RIPOR1: variants seen among roughly 807,000 people sequenced by gnomAD.
RIPOR1 encodes the protein RHO family interacting cell polarization regulator 1.
RIPOR1 carries 58 observed loss-of-function variants against 116.5 expected under a neutral mutation model. The ratio of observed to expected loss-of-function variants is 0.50; its 90% CI spans 0.40 to 0.62. The LOEUF is 0.62. RIPOR1 is among the 20% of genes least tolerant of loss of function. The probability of loss-of-function intolerance (pLI) is 0.00; values close to 1 mark genes in which losing one functional copy is unlikely to be tolerated. For synonymous variants in RIPOR1, 605 were observed against 650.0 expected, an observed-to-expected ratio of 0.93 and a Z score of 1.05; for missense variants, 1,372 against 1,586.2, an observed-to-expected ratio of 0.86 and a Z score of 2.29.
At chr16:67,532,101 G>A (rs1015581447) in intron 1 of RIPOR1, among the ~76,000 whole-genome samples, 11 of 151,004 alleles carry the variant, frequency 7.3e-5, no homozygotes, top group Non-Finnish European at 1.2e-4. Context: ...GGGTTTCACC[G>A]TGTTAGCCAG....
At position 67,543,101 on chromosome 16, in the gene RIPOR1, T is replaced by C. The variant is rs541606600; in HGVS notation, c.2315T>C (p.Met772Thr). The C allele has an allele frequency of 2.2e-5, 33 of 1,523,168 alleles. No individual in the cohort carries two copies. The highest frequency in any genetic ancestry group is 2.8e-5 in the Non-Finnish European group (32 of 1,137,780). The allele number at this position is 1,523,168 out of a possible 1,614,324, so 94.4% of individuals were successfully genotyped here. The change falls in exon 13 of 22, where the codon ATG becomes ACG. Residue 772 changes from methionine to threonine, a missense_variant. This residue lies in a region of RIPOR1 where 1,005 missense variants were observed against 1,144.7 expected (regional missense o/e 0.88). Transcript: ENST00000042381. The surrounding 1 kb of genome is among the most constrained non-coding windows in gnomAD (Gnocchi z 4.7). ...APQHSDLCLA[M>T]AVQTPVPTAA... Reference sequence around the variant, plus strand: ...CAGCATTCAGACCTTTGCCTGGCCATGGCTGTCCAGACCCCAGTCCCAACG... The same window carrying C: ...CAGCATTCAGACCTTTGCCTGGCCACGGCTGTCCAGACCCCAGTCCCAACG...
Position 67,530,819 on chromosome 16 carries a change from A to C in RIPOR1, c.-24+1905A>C, listed in dbSNP as rs1204899038. ...ATTTCCCATCCTGGGAACAGACTAT[A>C]GGGCTGACATGAGCCCAGAGAGTCC... On this transcript the variant is annotated intron_variant, in intron 1 of 21. Coordinates refer to ENST00000042381, the MANE Select transcript of RIPOR1 (RefSeq NM_024519.4). This position sits in a 1 kb window ranked among gnomAD's most constrained non-coding sequence, Gnocchi z 4.5. 6.6e-6 allele frequency among the ~76,000 whole-genome samples: 1 copy of C among 152,148 alleles called. No homozygotes were observed. The highest frequency in any genetic ancestry group is 2.4e-5 in the African/African-American group (1 of 41,426).
At chr16:67,523,867 T>A (rs972228411), upstream of RIPOR1, among the ~76,000 whole-genome samples, 6 of 151,950 alleles carry the variant, frequency 3.9e-5, no homozygotes, top group African/African-American at 1.5e-4. Flanking sequence ...TAGTAGAGAC[T>A]GGGTTTTACT....
At position 67,539,877 on chromosome 16, in the gene RIPOR1, G is replaced by T. The variant is rs373261651; in HGVS notation, c.392G>T (p.Arg131Leu). ...AAGTCCATTGAACGCTTCCTGCGAC[G>T]ACTGGAGTTCCATGCCAGCAAGGTA... Reference protein sequence around the residue: ...QVKSIERFLRRLEFHASKIDE... With the variant: ...QVKSIERFLRLLEFHASKIDE... Residue 131 changes from arginine to leucine, a missense_variant, in exon 6 of 22, where the codon CGA (arginine) becomes CTA (leucine). Physicochemically the swap from Arg to Leu is moderately radical, Grantham distance 102 (BLOSUM62 -2). Coordinates refer to ENST00000042381, the MANE Select transcript of RIPOR1 (RefSeq NM_024519.4). 1 of 1,614,172 alleles carries T rather than the reference G, an allele frequency of 6.2e-7. No individual in the cohort carries two copies. Among genetic ancestry groups the T allele is most frequent in the South Asian group, 1.1e-5 (1 of 91,072 alleles).
In RIPOR1 at chr16:67,538,803, C is replaced by A; in HGVS notation, c.236C>A (p.Thr79Lys). 2 of 1,613,196 alleles carry A rather than the reference C, an allele frequency of 1.2e-6. No homozygotes were observed. The highest frequency in any genetic ancestry group is 2.2e-5 in the South Asian group (2 of 91,058). Reference sequence around the variant, plus strand: ...CCCGAGCGGCTGGACCTGGTGTACACGGCGCTGAAGCGGGGCCTGACGTGA... The same window carrying A: ...CCCGAGCGGCTGGACCTGGTGTACAAGGCGCTGAAGCGGGGCCTGACGTGA... ...PQPERLDLVY[T>K]ALKRGLTAYL... is the part of the protein sequence containing the mutation. The change falls in exon 3 of 22, where the codon ACG (threonine) becomes AAG (lysine). Residue 79 changes from threonine (T) to lysine (K), a missense_variant. Thr to Lys is a moderately conservative substitution (Grantham distance 78). Coordinates refer to ENST00000042381, the MANE Select transcript of RIPOR1 (RefSeq NM_024519.4).
Position 67,545,599 on chromosome 16 carries a change from C to T in RIPOR1, c.3190+65C>T. 2 of 1,589,942 alleles carry T rather than the reference C, an allele frequency of 1.3e-6. No homozygotes were observed. Among genetic ancestry groups the T allele is most frequent in the South Asian group, 1.1e-5 (1 of 88,628 alleles). ...TCTGAGGACATGAGGACAAGCCCTC[C>T]CCAACCTCGGGGGCTCCTCACCCTG... On this transcript the variant is annotated intron_variant, in intron 18 of 21. Coordinates refer to ENST00000042381, the MANE Select transcript of RIPOR1 (RefSeq NM_024519.4). The surrounding 1 kb of genome is among the most constrained non-coding windows in gnomAD (Gnocchi z 4.8).
Position 67,538,783 on chromosome 16 carries a change from GCGGCTGGACCTGGTGTACA to G in RIPOR1, c.221_239del (p.Leu74ArgfsTer2). 6.2e-7 allele frequency: 1 copy of G among 1,613,492 alleles called. No individual in the cohort carries two copies. On this transcript the variant is annotated frameshift_variant, in exon 3 of 22. Coordinates refer to ENST00000042381, the MANE Select transcript of RIPOR1 (RefSeq NM_024519.4). LOFTEE classifies it high-confidence loss of function. ...CAGCCGCCAAGGTGCCGCAGCCCGA[GCGGCTGGACCTGGTGTACA>G]CGGCGCTGAAGCGGGGCCTGACGTG...
rs1434188331 is a variant in RIPOR1 at position 67,542,113 on chromosome 16, C to G, written c.1327C>G (p.Pro443Ala). 5 of 1,612,910 alleles carry G rather than the reference C, an allele frequency of 3.1e-6. No homozygotes were observed. In the East Asian group the frequency reaches 1.1e-4, roughly 36 times the overall value. ...VAPVLANGHA[P>A]YSRTLSHISE... is the part of the protein sequence containing the mutation. ...CCCAGTCCTGGCAAATGGGCATGCA[C>G]CCTACAGTCGGACTCTGAGCCACAT... The change falls in exon 13 of 22, where the codon CCC (proline) becomes GCC (alanine). Residue 443 changes from proline to alanine, a missense_variant. Around this residue, in one of 3 missense-constraint regions of RIPOR1, gnomAD observed 1,005 missense variants for 1,144.7 expected, o/e 0.88. Coordinates refer to ENST00000042381, the MANE Select transcript of RIPOR1 (RefSeq NM_024519.4). This position sits in a 1 kb window ranked among gnomAD's most constrained non-coding sequence, Gnocchi z 4.6.
Position 67,528,898 on chromosome 16 carries a change from C to T in RIPOR1, c.-40C>T. 1 of 187,588 alleles carries T rather than the reference C, an allele frequency of 5.3e-6. No individual in the cohort carries two copies. Among genetic ancestry groups the T allele is most frequent in the Non-Finnish European group, 1.2e-5 (1 of 86,906 alleles). The allele number at this position is 187,588 out of a possible 1,614,324, so 11.6% of individuals were successfully genotyped here. A position where few individuals can be genotyped will look rare whatever the true frequency, so the allele number is the denominator to read the frequency against. ...GCGCAAGGACAGCGCGAGGTCCGCG[C>T]AGCCCAGCGCAGCCATGTGAGTGTC... is the stretch of plus-strand genomic sequence containing the variant. On this transcript the variant is annotated 5_prime_UTR_variant, in exon 1 of 22. Coordinates refer to ENST00000042381, the MANE Select transcript of RIPOR1 (RefSeq NM_024519.4).
At chr16:67,528,043 G>A (rs2050561572), upstream of RIPOR1, among the ~76,000 whole-genome samples, 1 of 152,038 alleles carries the variant, frequency 6.6e-6, no homozygotes, top group South Asian at 2.1e-4. Flanking sequence ...GAAGCCTCAG[G>A]GGTGTCCAGG....
In RIPOR1 at chr16:67,544,452, C is replaced by T. The variant is rs775969938; in HGVS notation, c.2733+21C>T. ...TGCTGGTGAGGCTGATGGTGTTCCCCCACCCTTCCTTTGTAACCCCTAACC... is the reference window on the plus strand; with the variant it reads ...TGCTGGTGAGGCTGATGGTGTTCCCTCACCCTTCCTTTGTAACCCCTAACC... On this transcript the variant is annotated intron_variant, in intron 15 of 21. Coordinates refer to ENST00000042381, the MANE Select transcript of RIPOR1 (RefSeq NM_024519.4). This position sits in a 1 kb window ranked among gnomAD's most constrained non-coding sequence, Gnocchi z 5.1. 3 of 1,594,682 alleles carry T rather than the reference C, an allele frequency of 1.9e-6. No homozygotes were observed. Among genetic ancestry groups the T allele is most frequent in the South Asian group, 2.2e-5 (2 of 90,384 alleles).
At chr16:67,528,610 T>G (rs894137944), upstream of RIPOR1, 3 of 151,950 alleles carry the variant, frequency 2.0e-5, no homozygotes, top group Non-Finnish European at 4.4e-5. Flanking sequence ...CGTTTTAGGG[T>G]CTGCGTGAGA....
intron 1 of RIPOR1, among the ~76,000 whole-genome samples, chr16:67,520,254 G>T (rs1037462115): frequency 6.6e-6 from 1 of 151,248 alleles, no homozygotes; most frequent in Non-Finnish European, 1.5e-5. Flanking sequence ...GGTTGTGTGT[G>T]CCTGTGGTCC....
Position 67,541,413 on chromosome 16 carries a change from T to C in RIPOR1, c.802-17T>C, listed in dbSNP as rs1326317527. Reference sequence around the variant, plus strand: ...CCCCTGCACCCTTGTGACCCTACCATGCACTCTTGGCTACAGGTGACAGAA... The same window carrying C: ...CCCCTGCACCCTTGTGACCCTACCACGCACTCTTGGCTACAGGTGACAGAA... On this transcript the variant is annotated splice_polypyrimidine_tract_variant and intron_variant, in intron 10 of 21. Transcript: ENST00000042381. The surrounding 1 kb of genome is among the most constrained non-coding windows in gnomAD (Gnocchi z 4.6). The C allele has an allele frequency of 6.2e-7, 1 of 1,611,748 alleles. No homozygotes were observed. The highest frequency in any genetic ancestry group is 8.5e-7 in the Non-Finnish European group (1 of 1,178,630).
chr16:67,541,348 C>T lies in RIPOR1; in HGVS notation c.802-82C>T, dbSNP rs2142551274. 1 of 1,494,578 alleles carries T rather than the reference C, an allele frequency of 6.7e-7. No homozygotes were observed. Among genetic ancestry groups the T allele is most frequent in the East Asian group, 2.3e-5 (1 of 43,650 alleles). 92.6% of individuals were successfully genotyped at this position (1,494,578 alleles called of 1,614,324 possible). A position where few individuals can be genotyped will look rare whatever the true frequency, so the allele number is the denominator to read the frequency against. On this transcript the variant is annotated intron_variant, in intron 10 of 21. Transcript: ENST00000042381. This position sits in a 1 kb window ranked among gnomAD's most constrained non-coding sequence, Gnocchi z 4.6. Reference sequence around the variant, plus strand: ...GCCTCCCATGACCATTTTATAAGTTCTATGCAAATTCAGACCTCAGATTTC... The same window carrying T: ...GCCTCCCATGACCATTTTATAAGTTTTATGCAAATTCAGACCTCAGATTTC...
chr16:67,536,795 C>T (rs1214972962), intron 1 of RIPOR1, among the ~76,000 whole-genome samples: 1 of 152,152 alleles, frequency 6.6e-6, no homozygotes, highest in Non-Finnish European at 1.5e-5. Context: ...AGTGCCCTAA[C>T]TCTCCGCCCT....
intron 1 of RIPOR1, 143 bp from the exon 2 acceptor site, chr16:67,538,281 C>T: frequency 1.8e-6 from 2 of 1,086,474 alleles, no homozygotes; most frequent in Non-Finnish European, 2.5e-6. Context: ...CCCGGGTCGG[C>T]GGGACTAGGC....
intron 1 of RIPOR1, 72 bp from the exon 2 acceptor site, chr16:67,538,352 C>A: frequency 6.6e-7 from 1 of 1,504,384 alleles, no homozygotes; most frequent in South Asian, 1.2e-5. Context: ...CTGCGCCAGC[C>A]CTGGATCCCG....
intron 6 of RIPOR1, 61 bp downstream of exon 6, chr16:67,539,960 G>A: frequency 1.9e-6 from 3 of 1,613,700 alleles, no homozygotes; most frequent in Non-Finnish European, 2.5e-6. Context: ...GGAGAAGAGG[G>A]GTGGTGCCAG....
Sources: gnomAD v4.1 joint callset for allele counts (sites outside exome capture counted in the v4.1 genomes callset) on GRCh38, gnomAD v4.1.1 for gene constraint, gnomAD v4.1.1 regional missense constraint, Gnocchi (gnomAD v3.1) non-coding constraint, MANE v1.5 for transcripts, NCBI Gene and HGNC (gene_info 2026-07-23, HGNC 2026-07-21) for gene names.